TMEM120A: variants seen among roughly 807,000 people sequenced by gnomAD.
TMEM120A encodes ion channel TACAN.
In TMEM120A, 45 loss-of-function variants were observed where a neutral mutation model predicts 54.3. That is an observed-to-expected ratio of 0.83 (90% CI 0.65 to 1.06). The LOEUF (loss-of-function observed/expected upper bound fraction) is 1.06. Among genes scored for constraint, TMEM120A ranks in the 50% least tolerant of loss-of-function variants. TMEM120A has a pLI of 0.00. For synonymous variants in TMEM120A, 204 were observed against 178.5 expected (o/e 1.14, Z -1.14); for missense variants, 424 against 441.7 (o/e 0.96, Z 0.36).
intron 3 of TMEM120A, among the ~76,000 whole-genome samples, chr7:75,989,588 C>G (rs1554561423): frequency 6.6e-6 from 1 of 151,862 alleles, no homozygotes; most frequent in African/African-American, 2.4e-5. Flanking sequence ...CCACCTACCC[C>G]CCAGCTCCCT....
At chr7:75,989,838 C>T (rs986818557) in intron 3 of TMEM120A, among the ~76,000 whole-genome samples, 4 of 152,066 alleles carry the variant, frequency 2.6e-5, no homozygotes, top group Non-Finnish European at 4.4e-5. Flanking sequence ...CCAGGCCACC[C>T]GCCAATTACA....
rs544422159 is a variant in TMEM120A, at chr7:75,990,729, C to CAAAATACA, written c.317+1407_317+1414dup. Among the ~76,000 whole-genome samples the CAAAATACA allele has an allele frequency of 2.9e-3, 434 of 151,736 alleles. 2 individuals carry two copies. The highest frequency in any genetic ancestry group is 5.3e-3 in the Non-Finnish European group (361 of 67,932). ...TGAAACCCCATCTCTACTAAAAATA[C>CAAAATACA]AAAATACAAAAATACAAAAATTAGC... On this transcript the variant is annotated intron_variant, in intron 3 of 11. Transcript: ENST00000493111.
intron 5 of TMEM120A, 37 bp downstream of exon 5, chr7:75,988,384 G>A (rs1789641738): frequency 6.2e-7 from 1 of 1,610,312 alleles, no homozygotes; most frequent in Non-Finnish European, 8.5e-7. Flanking sequence ...CAGCGACTGG[G>A]GATGGGGTGG....
Position 75,992,129 on chromosome 7 carries a change from G to A in TMEM120A, c.317+15C>T, listed in dbSNP as rs200518152. The A allele has an allele frequency of 3.5e-4, 548 of 1,566,958 alleles. No homozygotes were observed. Among genetic ancestry groups the A allele is most frequent in the Middle Eastern group, 1.0e-3 (6 of 5,870 alleles). ...GGCTGTGAACTGAGCTGGGGGTGGCGGTGGGGGCCCTCACCCATTCTTCTT... is the reference window on the plus strand; with the variant it reads ...GGCTGTGAACTGAGCTGGGGGTGGCAGTGGGGGCCCTCACCCATTCTTCTT... On this transcript the variant is annotated intron_variant, in intron 3 of 11. Coordinates refer to ENST00000493111, the MANE Select transcript of TMEM120A (RefSeq NM_031925.3).
chr7:75,992,101 A>T, intron 3 of TMEM120A, 43 bp downstream of exon 3: 1 of 1,403,336 alleles, frequency 7.1e-7, no homozygotes, highest in Non-Finnish European at 9.8e-7. Flanking sequence ...CGGCTTCAGG[A>T]GTGGCTGTGA....
At position 75,987,977 on chromosome 7, in the gene TMEM120A, C is replaced by T. The variant is rs372514117; in HGVS notation, c.637G>A (p.Gly213Ser). 3.9e-5 allele frequency: 62 copies of T among 1,600,354 alleles called. 1 individual carries two copies. The Middle Eastern group carries it at 8.2e-4, about 21-fold the overall frequency. The part of the protein sequence containing the change: ...LSGVMLTWPD[G>S]LMYQKFRNQF... ...TTCCGGAATTTCTGGTACATGAGAC[C>T]GTCGGGCCTAAGGTAAAAAGTGGAG... Residue 213 changes from glycine to serine, a missense_variant, in exon 8 of 12, where the codon GGT becomes AGT. Gly to Ser is a moderately conservative substitution (Grantham distance 56, BLOSUM62 0). Transcript: ENST00000493111.
At chr7:75,992,687 CT>C in intron 1 of TMEM120A, 130 bp from the exon 2 acceptor site, 1 of 660,622 alleles carries the variant, frequency 1.5e-6, no homozygotes, top group Non-Finnish European at 2.6e-6. Flanking sequence ...GGAGGTAGAA[CT>C]GTGCCTGCCC....
chr7:75,992,201 A>T lies in TMEM120A; in HGVS notation c.260T>A (p.Met87Lys), dbSNP rs782150303. ...EGAAQELENQ[M>K]KERQGLFFDM... ...AAAGAAGAGGCCTTGGCGCTCTTTC[A>T]TCTGGTTCTCCAGCTCCTGTGCGGC... Residue 87 changes from methionine to lysine, a missense_variant, in exon 3 of 12, where the codon ATG becomes AAG. Transcript: ENST00000493111. 6.2e-7 allele frequency: 1 copy of T among 1,612,324 alleles called. No homozygotes were observed. The highest frequency in any genetic ancestry group is 1.3e-5 in the African/African-American group (1 of 74,904).
chr7:75,987,019 C>T lies in TMEM120A; in HGVS notation c.*153G>A, dbSNP rs1370348109. On this transcript the variant is annotated 3_prime_UTR_variant, in exon 12 of 12. Transcript: ENST00000493111. ...GCCTCTCTTTATTGAGGGCACTGGGCCCAGGTCTTCCTTCAGGGCCCACAG... is the reference window on the plus strand; with the variant it reads ...GCCTCTCTTTATTGAGGGCACTGGGTCCAGGTCTTCCTTCAGGGCCCACAG... The T allele has an allele frequency of 2.1e-5, 14 of 675,276 alleles. No homozygotes were observed. Among genetic ancestry groups the T allele is most frequent in the Middle Eastern group, 4.9e-4 (2 of 4,054 alleles). 41.8% of individuals were successfully genotyped at this position (675,276 alleles called of 1,614,324 possible).
At chr7:75,989,753 A>G (rs1789764189) in intron 3 of TMEM120A, among the ~76,000 whole-genome samples, 1 of 151,536 alleles carries the variant, frequency 6.6e-6, no homozygotes, top group Non-Finnish European at 1.5e-5. Context: ...GTTTCTTCCC[A>G]CCACGACCCC....
chr7:75,989,804 A>T (rs1789766377), intron 3 of TMEM120A, among the ~76,000 whole-genome samples: 1 of 151,612 alleles, frequency 6.6e-6, no homozygotes. Context: ...CCAGTCCCAG[A>T]TCTCATCAGA....
At position 75,989,010 on chromosome 7, in the gene TMEM120A, T is replaced by G. The variant is rs1331478577; in HGVS notation, c.377+155A>C. On this transcript the variant is annotated intron_variant, in intron 4 of 11. Transcript: ENST00000493111. ...GGGTGGAGGGGAAGGCCGGGTGGGG[T>G]GGGGGGTGGAGGGGAAGGCCGGGTT... Among the ~76,000 whole-genome samples the G allele has an allele frequency of 1.8e-3, 5 of 2,760 alleles. 1 individual carries two copies. Among genetic ancestry groups the G allele is most frequent in the Admixed American group, 4.6e-3 (1 of 216 alleles). 1.8% of individuals were successfully genotyped at this position (2,760 alleles called of 152,430 possible).
chr7:75,988,393 G>T, intron 5 of TMEM120A, 28 bp downstream of exon 5: 1 of 1,610,366 alleles, frequency 6.2e-7, no homozygotes, highest in Non-Finnish European at 8.5e-7. Context: ...GGGATGGGGT[G>T]GGTCCTCGGC....
intron 4 of TMEM120A, 52 bp downstream of exon 4, chr7:75,989,113 G>GGA: frequency 2.9e-6 from 1 of 343,866 alleles, no homozygotes; most frequent in Non-Finnish European, 4.9e-6. Context: ...GGGGGGTAGG[G>GGA]GGCTAGGGGT....
At position 75,994,514 on chromosome 7, in the gene TMEM120A, T is replaced by C. The variant is rs1194856613; in HGVS notation, c.57A>G (p.Leu19=). The C allele has an allele frequency of 2.2e-5, 35 of 1,567,816 alleles. No homozygotes were observed. The highest frequency in any genetic ancestry group is 2.9e-5 in the Non-Finnish European group (33 of 1,157,664). Residue 19 remains leucine (L), a synonymous_variant, in exon 1 of 12, where the codon CTA becomes CTG. Coordinates refer to ENST00000493111, the MANE Select transcript of TMEM120A (RefSeq NM_031925.3). ...LGDCLRDWED[L]QQDFQNIQET... The stretch of plus-strand genomic sequence containing the variant: ...CCTGGATGTTCTGGAAGTCCTGCTG[T>C]AGATCCTCCCAGTCCCGCAGGCAGT...
At chr7:75,992,030 T>C (rs1415707114) in intron 3 of TMEM120A, 114 bp downstream of exon 3, 2 of 719,134 alleles carry the variant, frequency 2.8e-6, no homozygotes, top group Non-Finnish European at 4.7e-6. Context: ...GCCTCATTGC[T>C]CAGCCTGTAC....
rs1206485055 is a variant in TMEM120A at position 75,992,370 on chromosome 7, C to T, written c.200+69G>A. 6.4e-6 allele frequency: 10 copies of T among 1,556,090 alleles called. No individual in the cohort carries two copies. The East Asian group carries it at 2.3e-4, about 35-fold the overall frequency. ...GCCCAGAGAGGGGAGGGGCGGTGCC[C>T]AGGGTCTCACAGCGCCAGCCCTCCC... is the stretch of plus-strand genomic sequence containing the variant. On this transcript the variant is annotated intron_variant, in intron 2 of 11. Coordinates refer to ENST00000493111, the MANE Select transcript of TMEM120A (RefSeq NM_031925.3).
chr7:75,987,460 A>T (rs11767816), intron 10 of TMEM120A, 32 bp from the exon 11 acceptor site: 544,252 of 1,560,016 alleles, frequency 0.35, 101,842 homozygotes, highest in Non-Finnish European at 0.39. Context: ...TACTCAGAAG[A>T]CCCAGTCCCT....
intron 3 of TMEM120A, among the ~76,000 whole-genome samples, chr7:75,990,330 C>A (rs1789789488): frequency 6.6e-6 from 1 of 152,092 alleles, no homozygotes; most frequent in African/African-American, 2.4e-5. Context: ...GAGCACTGTG[C>A]CGGGAGCACT....
Sources: allele counts gnomAD v4.1 joint callset (sites outside exome capture counted in the v4.1 genomes callset), GRCh38; gene constraint gnomAD v4.1.1; transcripts MANE v1.5; gene names NCBI Gene and HGNC (gene_info 2026-07-23, HGNC 2026-07-21).